The following DRAP1 variants were observed in gnomAD, a reference collection of about 807,000 sequenced individuals.
DRAP1 encodes dr1-associated corepressor.
A neutral mutation model predicts 24.1 loss-of-function variants in DRAP1; 10 were observed. The observed-to-expected ratio is 0.41, with a 90% CI of 0.26 to 0.70. The LOEUF is 0.70. Ranked by LOEUF, DRAP1 falls within the 30% of genes least tolerant of loss-of-function variation. The pLI is 0.29. For synonymous variants in DRAP1, 122 were observed against 113.8 expected (o/e 1.07, Z -0.46); for missense variants, 264 against 275.6 (o/e 0.96, Z 0.30).
rs144277926 is a variant in DRAP1, at chr11:65,921,411, G to C, written c.594G>C (p.Glu198Asp). Residue 198 changes from glutamate to aspartate, a missense_variant, in exon 7 of 7, where the codon GAG becomes GAC. Physicochemically the swap from Glu to Asp is conservative, Grantham distance 45. This residue lies in a region of DRAP1 where 243 missense variants were observed against 233.6 expected (regional missense o/e 1.04). Transcript: ENST00000312515. ...CGGGCCCCTCAGCACCTGATGAAGAGGACGAAGAAGATTACGACTCCTAGC... is the reference window on the plus strand; with the variant it reads ...CGGGCCCCTCAGCACCTGATGAAGACGACGAAGAAGATTACGACTCCTAGC... The part of the protein sequence containing the change: ...APPGPSAPDE[E>D]DEEDYDS The C allele has an allele frequency of 1.1e-5, 17 of 1,609,614 alleles. No homozygotes were observed. In the African/African-American group the frequency reaches 2.3e-4, roughly 21 times the overall value.
rs145219990 is a variant in DRAP1, at chr11:65,921,042, CTGGCCCCT to C, written c.512+74_512+81del. 5.2e-3 allele frequency: 6,352 copies of C among 1,231,832 alleles called. 225 individuals are homozygous for C. The African/African-American group carries it at 0.077, about 15-fold the overall frequency. 76.3% of individuals were successfully genotyped at this position (1,231,832 alleles called of 1,614,324 possible). On this transcript the variant is annotated intron_variant, in intron 6 of 6. Coordinates refer to ENST00000312515, the MANE Select transcript of DRAP1 (RefSeq NM_006442.4). ...AGCCAACTTACCCCTCTTGTTCTCC[CTGGCCCCT>C]TGGTCTTGTTGATTGTGGCAGATTT...
chr11:65,919,711 C>T (rs2134832940), intron 1 of DRAP1, 69 bp from the exon 2 acceptor site: 6 of 1,594,084 alleles, frequency 3.8e-6, no homozygotes, highest in Non-Finnish European at 5.1e-6. Flanking sequence ...CGGGGATGCC[C>T]CTTCCTCCCC....
In DRAP1 at chr11:65,919,433, G is replaced by T. The variant is rs1216377725; in HGVS notation, c.-69G>T. 15 of 1,475,740 alleles carry T rather than the reference G, an allele frequency of 1.0e-5. No homozygotes were observed. The highest frequency in any genetic ancestry group is 2.9e-5 in the East Asian group (1 of 34,918). 91.4% of individuals were successfully genotyped at this position (1,475,740 alleles called of 1,614,324 possible). Reference sequence around the variant, plus strand: ...AGGGGAACCGCGACGGGCGGGCGGCGAGCAGGCCCGGGAGCCGGGAGGCTG... The same window carrying T: ...AGGGGAACCGCGACGGGCGGGCGGCTAGCAGGCCCGGGAGCCGGGAGGCTG... On this transcript the variant is annotated 5_prime_UTR_variant, in exon 1 of 7. Coordinates refer to ENST00000312515, the MANE Select transcript of DRAP1 (RefSeq NM_006442.4).
At chr11:65,921,054 T>A in intron 6 of DRAP1, 82 bp downstream of exon 6, 2 of 1,097,898 alleles carry the variant, frequency 1.8e-6, no homozygotes, top group South Asian at 1.6e-5. Context: ...GGCCCCTTGG[T>A]CTTGTTGATT....
At position 65,919,444 on chromosome 11, in the gene DRAP1, G is replaced by C. The variant is rs1171164278; in HGVS notation, c.-58G>C. The C allele has an allele frequency of 1.3e-6, 2 of 1,507,122 alleles. No homozygotes were observed. Among genetic ancestry groups the C allele is most frequent in the African/African-American group, 1.5e-5 (1 of 68,488 alleles). 93.4% of individuals were successfully genotyped at this position (1,507,122 alleles called of 1,614,324 possible). ...GACGGGCGGGCGGCGAGCAGGCCCG[G>C]GAGCCGGGAGGCTGCGGGCGGCGGC... On this transcript the variant is annotated 5_prime_UTR_variant, in exon 1 of 7. Coordinates refer to ENST00000312515, the MANE Select transcript of DRAP1 (RefSeq NM_006442.4).
chr11:65,921,235 G>T, intron 6 of DRAP1, 95 bp from the exon 7 acceptor site: 1 of 811,314 alleles, frequency 1.2e-6, no homozygotes, highest in East Asian at 2.5e-5. Context: ...GTGGTGGTGG[G>T]AGGGTCAGAT....
In DRAP1 at chr11:65,920,919, G is replaced by A. The variant is rs773981678; in HGVS notation, c.459G>A (p.Glu153=). ...AGGACACAGATACTGATGGGGAAGA[G>A]GAGACATCACAACCCCCACCCCAGG... The part of the protein sequence containing the change: ...ESEDTDTDGE[E]ETSQPPPQAS... The change falls in exon 6 of 7, where the codon GAG becomes GAA. Residue 153 remains glutamate (E), a synonymous_variant. Coordinates refer to ENST00000312515, the MANE Select transcript of DRAP1 (RefSeq NM_006442.4). The A allele has an allele frequency of 4.0e-5, 65 of 1,613,418 alleles. No homozygotes were observed. Among genetic ancestry groups the A allele is most frequent in the Non-Finnish European group, 1.7e-6 (2 of 1,179,736 alleles).
rs1292117637 is a variant in DRAP1, at chr11:65,919,673, C to A, written c.43-107C>A. On this transcript the variant is annotated intron_variant, in intron 1 of 6. Coordinates refer to ENST00000312515, the MANE Select transcript of DRAP1 (RefSeq NM_006442.4). ...CGCCCCGCCCCCTCCATGCCCTCCC[C>A]GCGTCCGTGTCCCCCGCCCCCTTTC... 3.3e-6 allele frequency: 5 copies of A among 1,525,822 alleles called. No homozygotes were observed. In the South Asian group the frequency reaches 6.0e-5, roughly 18 times the overall value. The allele number at this position is 1,525,822 out of a possible 1,614,324, so 94.5% of individuals were successfully genotyped here. A position where few individuals can be genotyped will look rare whatever the true frequency, so the allele number is the denominator to read the frequency against.
Position 65,921,393 on chromosome 11 carries a change from C to T in DRAP1, c.576C>T (p.Pro192=), listed in dbSNP as rs778358816. The part of the protein sequence containing the change: ...TLPLPPAPPG[P]SAPDEEDEED... ...CTTTGCCCCCAGCGCCCCCGGGCCC[C>T]TCAGCACCTGATGAAGAGGACGAAG... The change falls in exon 7 of 7, where the codon CCC becomes CCT. Residue 192 remains proline (P), a synonymous_variant. Transcript: ENST00000312515. 3 of 1,611,604 alleles carry T rather than the reference C, an allele frequency of 1.9e-6. No individual in the cohort carries two copies. The African/African-American group carries it at 4.0e-5, about 22-fold the overall frequency.
rs754813408 is a variant in DRAP1 at position 65,921,392 on chromosome 11, C to T, written c.575C>T (p.Pro192Leu). Residue 192 changes from proline (P) to leucine (L), a missense_variant, in exon 7 of 7, where the codon CCC becomes CTC. By Grantham distance (98) the Pro-to-Leu change is moderately conservative. Around this residue, in one of 2 missense-constraint regions of DRAP1, gnomAD observed 243 missense variants for 233.6 expected, o/e 1.04. Transcript: ENST00000312515. Reference protein sequence around the residue: ...TLPLPPAPPGPSAPDEEDEED... With the variant: ...TLPLPPAPPGLSAPDEEDEED... ...CCTTTGCCCCCAGCGCCCCCGGGCC[C>T]CTCAGCACCTGATGAAGAGGACGAA... 2 of 1,611,730 alleles carry T rather than the reference C, an allele frequency of 1.2e-6. No homozygotes were observed. Among genetic ancestry groups the T allele is most frequent in the South Asian group, 2.2e-5 (2 of 91,000 alleles).
At chr11:65,920,288 C>A (rs997339963) in intron 3 of DRAP1, 55 bp from the exon 4 acceptor site, 2 of 1,608,302 alleles carry the variant, frequency 1.2e-6, no homozygotes, top group African/African-American at 2.7e-5. Flanking sequence ...CCACCCACTG[C>A]GGGTTTGGGT....
intron 6 of DRAP1, 145 bp from the exon 7 acceptor site, chr11:65,921,185 G>A: frequency 1.4e-6 from 1 of 691,210 alleles, no homozygotes; most frequent in Non-Finnish European, 2.4e-6. Context: ...GGCCTGCCCT[G>A]CGTGAGCTGC....
chr11:65,921,293 G>C, intron 6 of DRAP1, 37 bp from the exon 7 acceptor site: 1 of 1,272,040 alleles, frequency 7.9e-7, no homozygotes, highest in South Asian at 1.2e-5. Flanking sequence ...GCACGGTGGG[G>C]CTCAGGCCTG....
At chr11:65,919,750 G>A (rs1448750734) in intron 1 of DRAP1, 30 bp from the exon 2 acceptor site, 3 of 1,612,454 alleles carry the variant, frequency 1.9e-6, no homozygotes, top group Non-Finnish European at 2.5e-6. Flanking sequence ...CGGTGGCGAC[G>A]GGGTCTGAAC....
chr11:65,919,550 AC>A lies in DRAP1; in HGVS notation c.42+8del. On this transcript the variant is annotated splice_region_variant and intron_variant, in intron 1 of 6. Coordinates refer to ENST00000312515, the MANE Select transcript of DRAP1 (RefSeq NM_006442.4). The stretch of plus-strand genomic sequence containing the variant: ...CAACGCGCGGTTCCCGCCGGTGAGC[AC>A]GTGGCAGAGCCCGGCAGGAGTGGGC... 2 of 1,548,126 alleles carry A rather than the reference AC, an allele frequency of 1.3e-6. No homozygotes were observed. The highest frequency in any genetic ancestry group is 1.7e-6 in the Non-Finnish European group (2 of 1,146,016).
At chr11:65,919,572 T>G in intron 1 of DRAP1, 29 bp downstream of exon 1, 1 of 1,546,420 alleles carries the variant, frequency 6.5e-7, no homozygotes, top group African/African-American at 1.4e-5. Context: ...CCGGCAGGAG[T>G]GGGCCCGGCT....
intron 6 of DRAP1, 55 bp downstream of exon 6, chr11:65,921,027 C>T (rs896513006): frequency 1.5e-6 from 2 of 1,376,392 alleles, no homozygotes; most frequent in Non-Finnish European, 9.9e-7. Context: ...AGCCAACTTA[C>T]CCCTCTTGTT....
At position 65,920,879 on chromosome 11, in the gene DRAP1, C is replaced by T. The variant is rs200877260; in HGVS notation, c.424-5C>T. 1 of 1,610,884 alleles carries T rather than the reference C, an allele frequency of 6.2e-7. No individual in the cohort carries two copies. Among genetic ancestry groups the T allele is most frequent in the African/African-American group, 1.3e-5 (1 of 74,804 alleles). On this transcript the variant is annotated splice_region_variant and splice_polypyrimidine_tract_variant and intron_variant, in intron 5 of 6. Transcript: ENST00000312515. Reference sequence around the variant, plus strand: ...TGTCAACTCTGACCTCTGCGGTGCTCACAGGATGAATCTGAGGACACAGAT... The same window carrying T: ...TGTCAACTCTGACCTCTGCGGTGCTTACAGGATGAATCTGAGGACACAGAT...
At chr11:65,920,141 C>T in intron 3 of DRAP1, 100 bp downstream of exon 3, 2 of 1,483,514 alleles carry the variant, frequency 1.3e-6, no homozygotes, top group African/African-American at 1.4e-5. Context: ...GGGCGGCAGC[C>T]GGGACACCAG....
Sources: allele counts gnomAD v4.1 joint callset, GRCh38; gene constraint gnomAD v4.1.1; regional missense constraint gnomAD v4.1.1; transcripts MANE v1.5; gene names NCBI Gene and HGNC (gene_info 2026-07-23, HGNC 2026-07-21).